Variants in KALRN observed in about 807,000 individuals in gnomAD.
KALRN encodes kalirin RhoGEF kinase, also known as kalirin.
KALRN carries 70 observed loss-of-function variants against 353.7 expected under a neutral mutation model. The ratio of observed to expected loss-of-function variants is 0.20; its 90% CI spans 0.16 to 0.24. The LOEUF is 0.24. Among genes scored for constraint, KALRN ranks in the 10% least tolerant of loss-of-function variants. KALRN has a pLI of 1.00. For missense variants in KALRN, 2,791 were observed against 3,756.7 expected (o/e 0.74, Z 6.72); for synonymous variants, 1,391 against 1,434.8 (o/e 0.97, Z 0.69).
chr3:124,572,061 A>G (rs2110066138), intron 34 of KALRN, among the ~76,000 whole-genome samples: 1 of 151,976 alleles, frequency 6.6e-6, no homozygotes, highest in South Asian at 2.1e-4. Context: ...AGTGGCTCAC[A>G]TCTTTAACCC....
At chr3:124,165,666 A>T (rs1013347614) in intron 1 of KALRN, among the ~76,000 whole-genome samples, 1 of 152,234 alleles carries the variant, frequency 6.6e-6, no homozygotes, top group Non-Finnish European at 1.5e-5. Flanking sequence ...TTTCTTTATT[A>T]GCATAGCTCC....
chr3:124,658,697 G>A (rs971612849), intron 42 of KALRN, among the ~76,000 whole-genome samples, 180 bp downstream of exon 42: 1 of 152,222 alleles, frequency 6.6e-6, no homozygotes, highest in African/African-American at 2.4e-5. Flanking sequence ...ATTCTCATGA[G>A]CACCTTCACT....
chr3:124,387,106 G>T (rs1360777687), intron 11 of KALRN, among the ~76,000 whole-genome samples: 1 of 152,056 alleles, frequency 6.6e-6, no homozygotes, highest in Non-Finnish European at 1.5e-5. Context: ...CAAATCAGGG[G>T]CTTAATGGGT....
chr3:124,710,783 C>T (rs1228574808), intron 57 of KALRN, among the ~76,000 whole-genome samples: 1 of 152,044 alleles, frequency 6.6e-6, no homozygotes, highest in African/African-American at 2.4e-5. Flanking sequence ...AGCAAGACTC[C>T]AGGGAAGGAA....
chr3:124,600,336 G>A (rs936675294), intron 34 of KALRN, among the ~76,000 whole-genome samples: 11 of 152,222 alleles, frequency 7.2e-5, no homozygotes, highest in African/African-American at 2.7e-4. Flanking sequence ...TTATTCCAAA[G>A]TCACAGATCC....
intron 8 of KALRN, among the ~76,000 whole-genome samples, chr3:124,332,155 T>C (rs572017509): frequency 1.1e-4 from 16 of 152,190 alleles, no homozygotes; most frequent in African/African-American, 3.9e-4. Flanking sequence ...GGGTGGGTGG[T>C]GGTGATTTCC....
chr3:124,557,103 G>A (rs556028348), intron 33 of KALRN, among the ~76,000 whole-genome samples: 18 of 152,132 alleles, frequency 1.2e-4, no homozygotes, highest in South Asian at 8.3e-4. Context: ...TTAGATTCAA[G>A]GGTTACACAT....
Position 124,490,773 on chromosome 3 carries a change from C to T in KALRN, c.4476C>T (p.Ile1492=). ...AAGTGTGGGACCCGAAGTCGCTGAT[C>T]CGGAAGGGGCGGGAGCGGCACTTGT... The part of the protein sequence containing the change: ...AFQVWDPKSL[I]RKGRERHLFL... The change falls in exon 30 of 60, where the codon ATC becomes ATT. Residue 1492 remains isoleucine (I), a synonymous_variant. Transcript: ENST00000682506. 6.2e-7 allele frequency: 1 copy of T among 1,613,894 alleles called. No homozygotes were observed.
chr3:124,087,697 C>CA (rs1189194641), intron 1 of KALRN, among the ~76,000 whole-genome samples: 2 of 152,178 alleles, frequency 1.3e-5, no homozygotes, highest in Non-Finnish European at 2.9e-5. Context: ...CTGGCAGCTC[C>CA]AGGGTAGGCT....
intron 54 of KALRN, among the ~76,000 whole-genome samples, 176 bp downstream of exon 54, chr3:124,696,431 T>A (rs1448232023): frequency 6.6e-6 from 1 of 152,084 alleles, no homozygotes; most frequent in Non-Finnish European, 1.5e-5. Flanking sequence ...CCTCGCTAAT[T>A]TTTTTTGCAT....
intron 10 of KALRN, among the ~76,000 whole-genome samples, chr3:124,373,729 C>G (rs1374848191): frequency 6.6e-6 from 1 of 152,138 alleles, no homozygotes; most frequent in Non-Finnish European, 1.5e-5. Context: ...GAACACCAGT[C>G]ATACCACACT....
intron 33 of KALRN, among the ~76,000 whole-genome samples, chr3:124,555,991 G>T (rs545713160): frequency 3.3e-5 from 5 of 152,256 alleles, no homozygotes; most frequent in African/African-American, 1.2e-4. Context: ...AAAACTGGAA[G>T]CAGCCCTGGA....
chr3:124,093,386 G>T (rs1447403971), intron 1 of KALRN, among the ~76,000 whole-genome samples: 1 of 152,234 alleles, frequency 6.6e-6, no homozygotes, highest in African/African-American at 2.4e-5. Flanking sequence ...GCAGATGGCT[G>T]TTGGGTAGTT....
chr3:124,285,396 G>T (rs991425101), intron 5 of KALRN, among the ~76,000 whole-genome samples: 8 of 152,024 alleles, frequency 5.3e-5, no homozygotes, highest in Non-Finnish European at 7.4e-5. Flanking sequence ...AATTTAGTGG[G>T]TATAGTATAC....
intron 33 of KALRN, among the ~76,000 whole-genome samples, chr3:124,553,604 C>T (rs1256825613): frequency 6.6e-6 from 1 of 152,170 alleles, no homozygotes; most frequent in Non-Finnish European, 1.5e-5. Context: ...CAGGTTTCAC[C>T]CAGCCACCTC....
intron 33 of KALRN, chr3:124,518,315 CTG>C: frequency 2.5e-6 from 3 of 1,177,848 alleles, no homozygotes; most frequent in Non-Finnish European, 3.8e-6. Context: ...TGATTTAACT[CTG>C]TTTTCTATAA....
At chr3:124,638,548 G>A (rs2081631888) in intron 37 of KALRN, among the ~76,000 whole-genome samples, 1 of 152,072 alleles carries the variant, frequency 6.6e-6, no homozygotes, top group African/African-American at 2.4e-5. Flanking sequence ...TACAAATGCT[G>A]TATTTAATTT....
chr3:124,697,761 C>A, intron 55 of KALRN, 37 bp downstream of exon 55: 1 of 1,466,030 alleles, frequency 6.8e-7, no homozygotes, highest in Non-Finnish European at 9.1e-7. Flanking sequence ...CTTTTCTCTT[C>A]TTTTAAAACA....
chr3:124,487,540 A>G (rs2062699328), intron 28 of KALRN, among the ~76,000 whole-genome samples: 1 of 152,174 alleles, frequency 6.6e-6, no homozygotes, highest in Non-Finnish European at 1.5e-5. Flanking sequence ...CCTGAGGAAA[A>G]TCACTTCATC....
Sources: allele counts gnomAD v4.1 joint callset (sites outside exome capture counted in the v4.1 genomes callset), GRCh38; gene constraint gnomAD v4.1.1; transcripts MANE v1.5; gene names NCBI Gene and HGNC (gene_info 2026-07-23, HGNC 2026-07-21).